Variants in EBF1 observed in about 807,000 individuals in gnomAD.
EBF1 encodes transcription factor COE1.
EBF1 carries 10 observed loss-of-function variants against 68.4 expected under a neutral mutation model. That is an observed-to-expected ratio of 0.15 (90% confidence interval 0.09 to 0.25). The LOEUF (loss-of-function observed/expected upper bound fraction) is 0.25. Ranked by LOEUF, EBF1 falls within the 10% of genes least tolerant of loss-of-function variation. The pLI is 1.00. For synonymous variants in EBF1, 298 were observed against 299.8 expected, an observed-to-expected ratio of 0.99 and a Z score of 0.06; for missense variants, 509 against 794.4, an observed-to-expected ratio of 0.64 and a Z score of 4.32.
chr5:158,745,024 C>T (rs1246666664), intron 10 of EBF1, among the ~76,000 whole-genome samples: 4 of 152,064 alleles, frequency 2.6e-5, no homozygotes, highest in African/African-American at 9.7e-5. Context: ...ACTTGTGCTC[C>T]GTCTCCTCGC....
At chr5:158,865,951 T>G (rs1232925481) in intron 6 of EBF1, among the ~76,000 whole-genome samples, 1 of 152,174 alleles carries the variant, frequency 6.6e-6, no homozygotes, top group African/African-American at 2.4e-5. Flanking sequence ...TAAATACTAG[T>G]AAGAGTGGAG....
intron 6 of EBF1, among the ~76,000 whole-genome samples, chr5:158,869,702 T>C (rs1340220842): frequency 1.3e-5 from 2 of 152,164 alleles, no homozygotes; most frequent in African/African-American, 4.8e-5. Context: ...CACTTCACTC[T>C]GCCTTTTCAT....
At chr5:158,963,214 C>T (rs892527333) in intron 6 of EBF1, among the ~76,000 whole-genome samples, 4 of 152,194 alleles carry the variant, frequency 2.6e-5, no homozygotes, top group African/African-American at 9.7e-5. Context: ...ATTATGGTAT[C>T]CCACCAGATC....
chr5:158,926,118 G>C (rs1809638596), intron 6 of EBF1, among the ~76,000 whole-genome samples: 1 of 151,972 alleles, frequency 6.6e-6, no homozygotes, highest in African/African-American at 2.4e-5. Context: ...TTTAATATAA[G>C]GGTTATATTT....
At chr5:158,853,112 G>T (rs1458267358) in intron 6 of EBF1, among the ~76,000 whole-genome samples, 1 of 152,078 alleles carries the variant, frequency 6.6e-6, no homozygotes, top group Non-Finnish European at 1.5e-5. Flanking sequence ...GGCTTCAGAG[G>T]ACAGGAGTCT....
intron 8 of EBF1, among the ~76,000 whole-genome samples, chr5:158,804,568 G>C (rs1281837430): frequency 6.6e-6 from 1 of 152,096 alleles, no homozygotes; most frequent in Non-Finnish European, 1.5e-5. Flanking sequence ...TTAGCAGTAA[G>C]AAATCTTGAC....
chr5:158,923,101 C>T (rs1227435168), intron 6 of EBF1, among the ~76,000 whole-genome samples: 1 of 152,190 alleles, frequency 6.6e-6, no homozygotes, highest in Non-Finnish European at 1.5e-5. Context: ...CCAGCAAAAC[C>T]CAGGAAGAGC....
rs1756124807 is a variant in EBF1, at chr5:158,698,647, T to C, written c.*464A>G. 5.2e-6 allele frequency: 1 copy of C among 192,458 alleles called. No homozygotes were observed. The highest frequency in any genetic ancestry group is 1.1e-5 in the Non-Finnish European group (1 of 92,610). The allele number at this position is 192,458 out of a possible 1,614,324, so 11.9% of individuals were successfully genotyped here. On this transcript the variant is annotated 3_prime_UTR_variant, in exon 16 of 16. Coordinates refer to ENST00000313708, the MANE Select transcript of EBF1 (RefSeq NM_024007.5). ...CTATTCTGTCCCATACAAGCTTTTTTTTTTTTCCTTTTTTTCTTTTTTTTT... is the reference window on the plus strand; with the variant it reads ...CTATTCTGTCCCATACAAGCTTTTTCTTTTTTCCTTTTTTTCTTTTTTTTT...
intron 6 of EBF1, among the ~76,000 whole-genome samples, chr5:158,915,054 C>A (rs1316386996): frequency 6.6e-6 from 1 of 152,126 alleles, no homozygotes; most frequent in Non-Finnish European, 1.5e-5. Flanking sequence ...GGACACTTAT[C>A]AAGTTCACTG....
intron 7 of EBF1, among the ~76,000 whole-genome samples, chr5:158,831,960 ATAAGAG>A (rs2127926081): frequency 6.6e-6 from 1 of 152,340 alleles, no homozygotes; most frequent in South Asian, 2.1e-4. Context: ...ACTAAAGCAA[ATAAGAG>A]AAAAAGTGGT....
chr5:158,724,328 G>C (rs544096439), intron 11 of EBF1, among the ~76,000 whole-genome samples: 2 of 152,306 alleles, frequency 1.3e-5, no homozygotes, highest in Middle Eastern at 6.8e-3. Flanking sequence ...ACGAGAAAGA[G>C]AAAGAGAGAT....
chr5:158,940,336 C>T (rs771506865), intron 6 of EBF1, among the ~76,000 whole-genome samples: 3 of 152,152 alleles, frequency 2.0e-5, no homozygotes, highest in Non-Finnish European at 4.4e-5. Flanking sequence ...CATCAGATCG[C>T]GACGAGTCCA....
chr5:159,055,508 T>C (rs1046811219), intron 6 of EBF1, among the ~76,000 whole-genome samples: 2 of 152,206 alleles, frequency 1.3e-5, no homozygotes, highest in Admixed American at 1.3e-4. Flanking sequence ...CATATCAGAA[T>C]GAGCAATTTA....
chr5:159,031,028 G>A (rs1768707302), intron 6 of EBF1, among the ~76,000 whole-genome samples: 1 of 152,146 alleles, frequency 6.6e-6, no homozygotes, highest in African/African-American at 2.4e-5. Flanking sequence ...CAAAAAGTTA[G>A]CCAGATGCAG....
chr5:158,745,378 A>T (rs1581529889), intron 10 of EBF1, among the ~76,000 whole-genome samples: 1 of 152,206 alleles, frequency 6.6e-6, no homozygotes, highest in Non-Finnish European at 1.5e-5. Flanking sequence ...GACGATAAAA[A>T]CCAAAGGGAA....
chr5:158,861,562 C>T, intron 6 of EBF1, among the ~76,000 whole-genome samples: 1 of 152,172 alleles, frequency 6.6e-6, no homozygotes, highest in Non-Finnish European at 1.5e-5. Context: ...AGAAATGTTC[C>T]CTGCAACTTG....
At chr5:158,755,143 T>C (rs1769776323) in intron 10 of EBF1, among the ~76,000 whole-genome samples, 1 of 151,930 alleles carries the variant, frequency 6.6e-6, no homozygotes, top group African/African-American at 2.4e-5. Context: ...GTTTTTCTTA[T>C]AATTTCTTAT....
chr5:158,953,982 T>C (rs1166610926), intron 6 of EBF1, among the ~76,000 whole-genome samples: 1 of 152,242 alleles, frequency 6.6e-6, no homozygotes, highest in Admixed American at 6.5e-5. Context: ...AATCTGCCTT[T>C]CACATTTATA....
intron 10 of EBF1, among the ~76,000 whole-genome samples, chr5:158,737,719 G>C (rs1324203468): frequency 2.0e-5 from 3 of 152,102 alleles, no homozygotes; most frequent in Admixed American, 2.0e-4. Context: ...GAGTGGTTAC[G>C]TCCTTTTTAC....
Sources: allele counts gnomAD v4.1 joint callset (sites outside exome capture counted in the v4.1 genomes callset), GRCh38; gene constraint gnomAD v4.1.1; transcripts MANE v1.5; gene names NCBI Gene and HGNC (gene_info 2026-07-23, HGNC 2026-07-21).